Variants in WFS1 observed in about 807,000 individuals in gnomAD.
WFS1 encodes the protein wolframin ER transmembrane glycoprotein.
A neutral mutation model predicts 68.5 loss-of-function variants in WFS1; 90 were observed. The observed-to-expected ratio is 1.31, with a 90% CI of 1.11 to 1.56. The LOEUF is 1.56. WFS1 is among the 40% of genes most tolerant of loss of function. The probability of loss-of-function intolerance (pLI) is 0.00; values close to 1 mark genes in which losing one functional copy is unlikely to be tolerated. For missense variants in WFS1, 1,767 were observed against 1,232.6 expected, an observed-to-expected ratio of 1.43 and a Z score of -6.49; for synonymous variants, 860 against 540.7, an observed-to-expected ratio of 1.59 and a Z score of -8.19.
In WFS1 at chr4:6,295,055, G is replaced by A. The variant is rs760226129; in HGVS notation, c.727G>A (p.Ala243Thr). The A allele has an allele frequency of 8.7e-6, 14 of 1,613,384 alleles. No individual in the cohort carries two copies. Among genetic ancestry groups the A allele is most frequent in the East Asian group, 6.7e-5 (3 of 44,868 alleles). The change falls in exon 7 of 8, where the codon GCG becomes ACG. Residue 243 changes from alanine to threonine, a missense_variant. Ala to Thr is a moderately conservative substitution (Grantham distance 58, BLOSUM62 0). Coordinates refer to ENST00000226760, the MANE Select transcript of WFS1 (RefSeq NM_006005.3). ...LVSSESKNYI[A>T]LDDFVEITKK... ...TCATGCTTCAGCCAAGAACTACATC[G>A]CGCTGGATGACTTTGTGGAGATCAC...
intron 7 of WFS1, among the ~76,000 whole-genome samples, chr4:6,299,767 CGT>C (rs1389455495): frequency 1.5e-5 from 1 of 68,146 alleles, no homozygotes; most frequent in African/African-American, 6.7e-5. Flanking sequence ...GGGTGGGTTG[CGT>C]GTGTGTGAAT....
chr4:6,291,872 A>G (rs1396619427), intron 5 of WFS1, 45 bp from the exon 6 acceptor site: 11 of 1,564,996 alleles, frequency 7.0e-6, no homozygotes, highest in Non-Finnish European at 9.6e-6. Flanking sequence ...GGGCACGAGG[A>G]GATAGTCAAC....
intron 2 of WFS1, among the ~76,000 whole-genome samples, chr4:6,281,135 C>T (rs896273784): frequency 6.6e-6 from 1 of 152,152 alleles, no homozygotes; most frequent in Non-Finnish European, 1.5e-5. Flanking sequence ...GACACAGATG[C>T]GGACAGGAGC....
intron 7 of WFS1, among the ~76,000 whole-genome samples, chr4:6,298,184 C>T (rs1264101122): frequency 6.6e-6 from 1 of 152,226 alleles, no homozygotes; most frequent in Non-Finnish European, 1.5e-5. Flanking sequence ...TCGCAAGGCC[C>T]CCATACGGGG....
intron 7 of WFS1, among the ~76,000 whole-genome samples, chr4:6,297,906 G>A (rs1488010174): frequency 5.9e-5 from 9 of 152,084 alleles, no homozygotes; most frequent in Non-Finnish European, 8.8e-5. Context: ...CCTGGTCATC[G>A]AGTTCAGGTG....
chr4:6,299,411 C>T (rs894630932), intron 7 of WFS1, among the ~76,000 whole-genome samples: 6 of 149,282 alleles, frequency 4.0e-5, no homozygotes, highest in South Asian at 2.1e-4. Context: ...GGTAGGGGTG[C>T]GCTGGTGTGT....
chr4:6,300,160 G>C (rs541475826), intron 7 of WFS1, among the ~76,000 whole-genome samples: 1 of 152,116 alleles, frequency 6.6e-6, no homozygotes. Context: ...CCCCTCCGGG[G>C]ACTGCCTGCG....
Position 6,287,397 on chromosome 4 carries a change from C to A in WFS1, c.315+222C>A. On this transcript the variant is annotated intron_variant, in intron 3 of 7. Coordinates refer to ENST00000226760, the MANE Select transcript of WFS1 (RefSeq NM_006005.3). The surrounding 1 kb of genome is among the most constrained non-coding windows in gnomAD (Gnocchi z 6.4). ...CCTCTGGGGAGCAGCGCTCATCCCC[C>A]TTTTGTCCAACTCACACCTCATCTT... is the stretch of plus-strand genomic sequence containing the variant. The A allele has an allele frequency of 3.5e-6, 2 of 576,100 alleles. No homozygotes were observed. Among genetic ancestry groups the A allele is most frequent in the South Asian group, 1.9e-5 (1 of 51,970 alleles). The allele number at this position is 576,100 out of a possible 1,614,324, so 35.7% of individuals were successfully genotyped here.
chr4:6,285,014 G>C (rs1172889213), intron 2 of WFS1, among the ~76,000 whole-genome samples: 1 of 151,690 alleles, frequency 6.6e-6, no homozygotes. Context: ...TGTCCTTGAT[G>C]GATTCAGGGA....
chr4:6,272,755 T>G (rs753144554), intron 1 of WFS1, among the ~76,000 whole-genome samples: 6 of 152,240 alleles, frequency 3.9e-5, no homozygotes, highest in Non-Finnish European at 8.8e-5. Flanking sequence ...GGCGTTTTCT[T>G]CCGTTTTTTG....
rs377756809 is a variant in WFS1, at chr4:6,295,185, T to C, written c.857T>C (p.Leu286Pro). The change falls in exon 7 of 8, where the codon CTG becomes CCG. Residue 286 changes from leucine to proline, a missense_variant. Coordinates refer to ENST00000226760, the MANE Select transcript of WFS1 (RefSeq NM_006005.3). ...GKSPEDLPLR[L>P]KVVKYPLHAI... ...AGCCCTGAGGACCTGCCACTGCGTC[T>C]GAAGGTGAGTGACCAAGACCCCGGT... 58 of 1,611,468 alleles carry C rather than the reference T, an allele frequency of 3.6e-5. No individual in the cohort carries two copies. The highest frequency in any genetic ancestry group is 4.8e-5 in the Non-Finnish European group (57 of 1,180,036).
At chr4:6,295,736 T>C (rs1730621623) in intron 7 of WFS1, among the ~76,000 whole-genome samples, 1 of 152,160 alleles carries the variant, frequency 6.6e-6, no homozygotes, top group Admixed American at 6.5e-5. Context: ...CTGGAGGACA[T>C]GAGCAGCTTT....
At position 6,302,803 on chromosome 4, in the gene WFS1, ACCTTCAAGCAC is replaced by A; in HGVS notation, c.*339_*349del. 1 of 418,076 alleles carries A rather than the reference ACCTTCAAGCAC, an allele frequency of 2.4e-6. No individual in the cohort carries two copies. The highest frequency in any genetic ancestry group is 4.3e-6 in the Non-Finnish European group (1 of 231,852). The allele number at this position is 418,076 out of a possible 1,614,324, so 25.9% of individuals were successfully genotyped here. A position where few individuals can be genotyped will look rare whatever the true frequency, so the allele number is the denominator to read the frequency against. ...CAGATGAGATTCCCTCTCCTCCCCC[ACCTTCAAGCAC>A]CCTGTTCCCTCTTTCTTTCTTTTGT... On this transcript the variant is annotated 3_prime_UTR_variant, in exon 8 of 8. Transcript: ENST00000226760.
Position 6,301,988 on chromosome 4 carries a change from G to GCGCTGCCTCTACGGCGAGGCCTA in WFS1, c.2195_2217dup (p.Pro740AlafsTer130), listed in dbSNP as rs1231024778. On this transcript the variant is annotated frameshift_variant, in exon 8 of 8. Coordinates refer to ENST00000226760, the MANE Select transcript of WFS1 (RefSeq NM_006005.3). LOFTEE classifies it high-confidence loss of function. Reference sequence around the variant, plus strand: ...TCCCGTTCTTCATCGGCGACTGGATGCGCTGCCTCTACGGCGAGGCCTACC... The same window carrying GCGCTGCCTCTACGGCGAGGCCTA: ...TCCCGTTCTTCATCGGCGACTGGATGCGCTGCCTCTACGGCGAGGCCTACGCTGCCTCTACGGCGAGGCCTACC... 6.2e-7 allele frequency: 1 copy of GCGCTGCCTCTACGGCGAGGCCTA among 1,612,604 alleles called. No individual in the cohort carries two copies. Among genetic ancestry groups the GCGCTGCCTCTACGGCGAGGCCTA allele is most frequent in the Admixed American group, 1.7e-5 (1 of 59,976 alleles).
intron 7 of WFS1, among the ~76,000 whole-genome samples, chr4:6,296,419 T>G (rs1730641815): frequency 6.6e-6 from 1 of 152,218 alleles, no homozygotes; most frequent in South Asian, 2.1e-4. Context: ...GTCCAGGGTA[T>G]GACACCGACC....
At position 6,301,281 on chromosome 4, in the gene WFS1, C is replaced by A. The variant is rs765197368; in HGVS notation, c.1486C>A (p.Leu496Met). 9 of 1,611,374 alleles carry A rather than the reference C, an allele frequency of 5.6e-6. No homozygotes were observed. The highest frequency in any genetic ancestry group is 7.6e-6 in the Non-Finnish European group (9 of 1,180,030). ...QTFITVPVGH[L>M]VVLNVSVPCL... ...CTTCATCACCGTGCCTGTCGGCCAC[C>A]TGGTCGTCCTCAACGTCAGCGTCCC... Residue 496 changes from leucine to methionine, a missense_variant, in exon 8 of 8, where the codon CTG becomes ATG. By Grantham distance (15) the Leu-to-Met change is conservative. Transcript: ENST00000226760.
intron 4 of WFS1, among the ~76,000 whole-genome samples, chr4:6,289,727 A>G (rs1169148960): frequency 1.3e-5 from 2 of 152,234 alleles, no homozygotes; most frequent in Admixed American, 1.3e-4. Flanking sequence ...GCCGTGGGGC[A>G]GTGTGCTTCC....
rs1237716717 is a variant in WFS1, at chr4:6,269,983, C to G, written c.-37C>G. The stretch of plus-strand genomic sequence containing the variant: ...TGCCGGCCCAGAGGCCCCAGGGCGT[C>G]GCAGCGCCGCGTGCGGCCCACTCAC... On this transcript the variant is annotated 5_prime_UTR_variant, in exon 1 of 8. Coordinates refer to ENST00000226760, the MANE Select transcript of WFS1 (RefSeq NM_006005.3). The G allele has an allele frequency of 6.6e-6, 1 of 152,234 alleles. No individual in the cohort carries two copies. The highest frequency in any genetic ancestry group is 1.9e-4 in the East Asian group (1 of 5,172). 9.4% of individuals were successfully genotyped at this position (152,234 alleles called of 1,614,324 possible).
chr4:6,300,514 A>G (rs1730839292), intron 7 of WFS1, 143 bp from the exon 8 acceptor site: 1 of 1,269,260 alleles, frequency 7.9e-7, no homozygotes, highest in East Asian at 2.5e-5. Context: ...GGGAGGGAGG[A>G]CCACTAGGAT....
Sources: allele counts gnomAD v4.1 joint callset (sites outside exome capture counted in the v4.1 genomes callset), GRCh38; gene constraint gnomAD v4.1.1; non-coding constraint Gnocchi (gnomAD v3.1); transcripts MANE v1.5; gene names NCBI Gene and HGNC (gene_info 2026-07-23, HGNC 2026-07-21).